The following PRKD2 variants were observed in gnomAD, a reference collection of about 807,000 sequenced individuals.
PRKD2 encodes the protein serine/threonine-protein kinase D2.
Under a neutral mutation model 86.0 loss-of-function variants are expected in PRKD2, and 22 were observed. The ratio of observed to expected loss-of-function variants is 0.26; its 90% CI spans 0.18 to 0.37. The LOEUF (loss-of-function observed/expected upper bound fraction) is 0.37. Ranked by LOEUF, PRKD2 falls within the 10% of genes least tolerant of loss-of-function variation. The pLI, the probability that PRKD2 is intolerant of heterozygous loss-of-function variation, is 1.00. For synonymous variants in PRKD2, 509 were observed against 510.9 expected (o/e 1.00, Z 0.05); for missense variants, 818 against 1,199.2 (o/e 0.68, Z 4.70).
At chr19:46,697,574 C>T (rs560097564) in intron 8 of PRKD2, among the ~76,000 whole-genome samples, 159 bp downstream of exon 8, 1 of 151,872 alleles carries the variant, frequency 6.6e-6, no homozygotes, top group South Asian at 2.1e-4. Flanking sequence ...TTACAGCCCA[C>T]ACTTCTAATT....
Position 46,679,238 on chromosome 19 carries a change from G to A in PRKD2, c.2071-575C>T, listed in dbSNP as rs141325605. ...CCAGCTACTCAGGAGGCTGAGGCAG[G>A]AGAATCGCCTGAACCTGGGAGGCAG... On this transcript the variant is annotated intron_variant, in intron 15 of 17. Coordinates refer to ENST00000291281, the MANE Select transcript of PRKD2 (RefSeq NM_016457.5). Among the ~76,000 whole-genome samples, 1,215 of 152,194 alleles carry A rather than the reference G, an allele frequency of 8.0e-3. 5 individuals are homozygous for A. The highest frequency in any genetic ancestry group is 0.013 in the Non-Finnish European group (906 of 68,006).
rs1317759157 is a variant in PRKD2 at position 46,710,896 on chromosome 19, T to G, written c.511+11A>C. Reference sequence around the variant, plus strand: ...CGCCCCAGGCCCCGCCCCCAACCCTTTAGCTCTCACCATCGCACTTGAGGC... The same window carrying G: ...CGCCCCAGGCCCCGCCCCCAACCCTGTAGCTCTCACCATCGCACTTGAGGC... On this transcript the variant is annotated intron_variant, in intron 3 of 17. Coordinates refer to ENST00000291281, the MANE Select transcript of PRKD2 (RefSeq NM_016457.5). 6.4e-7 allele frequency: 1 copy of G among 1,561,914 alleles called. No homozygotes were observed.
At chr19:46,681,583 T>TGGCCCCC in intron 15 of PRKD2, 67 bp downstream of exon 15, 1 of 671,504 alleles carries the variant, frequency 1.5e-6, no homozygotes, top group Non-Finnish European at 2.6e-6. Flanking sequence ...ATAATCCCCT[T>TGGCCCCC]CCCCACCCCC....
At chr19:46,684,349 TCTCACTCTGTTG>T (rs2053363590) in intron 14 of PRKD2, among the ~76,000 whole-genome samples, 1 of 152,026 alleles carries the variant, frequency 6.6e-6, no homozygotes, top group South Asian at 2.1e-4. Flanking sequence ...TGAGATGGAG[TCTCACTCTGTTG>T]CCCACGCTGG....
At chr19:46,705,562 G>A (rs1308474012) in intron 3 of PRKD2, among the ~76,000 whole-genome samples, 1 of 152,090 alleles carries the variant, frequency 6.6e-6, no homozygotes, top group Non-Finnish European at 1.5e-5. Flanking sequence ...CAAGGCCGGC[G>A]GATCACTTGA....
In PRKD2 at chr19:46,693,154, C is replaced by T. The variant is rs2053506350; in HGVS notation, c.1576+721G>A. On this transcript the variant is annotated intron_variant, in intron 10 of 17. Transcript: ENST00000291281. This position sits in a 1 kb window ranked among gnomAD's most constrained non-coding sequence, Gnocchi z 4.5. ...TATACCCAGATTGGGTCAGGTACCC[C>T]TCTGGGCTCCTCTAGCTCCCTAGCT... Among the ~76,000 whole-genome samples, 1 of 152,182 alleles carries T rather than the reference C, an allele frequency of 6.6e-6. No homozygotes were observed. Among genetic ancestry groups the T allele is most frequent in the Non-Finnish European group, 1.5e-5 (1 of 68,028 alleles).
chr19:46,704,473 G>T, intron 4 of PRKD2, 22 bp downstream of exon 4: 1 of 1,614,046 alleles, frequency 6.2e-7, no homozygotes, highest in Non-Finnish European at 8.5e-7. Context: ...CCACCAACCC[G>T]TCCCATCCCC....
Position 46,706,812 on chromosome 19 carries a change from G to T in PRKD2, c.512-2163C>A, listed in dbSNP as rs148372008. On this transcript the variant is annotated intron_variant, in intron 3 of 17. Coordinates refer to ENST00000291281, the MANE Select transcript of PRKD2 (RefSeq NM_016457.5). Reference sequence around the variant, plus strand: ...TAATGCACTGAATCAGTATCTGCAGGCCTAGAGTCCTTAAATAATACAAGT... The same window carrying T: ...TAATGCACTGAATCAGTATCTGCAGTCCTAGAGTCCTTAAATAATACAAGT... 1.1e-4 allele frequency among the ~76,000 whole-genome samples: 16 copies of T among 152,210 alleles called. No homozygotes were observed. The East Asian group carries it at 3.1e-3, about 29-fold the overall frequency.
chr19:46,685,815 G>A (rs2053388425), intron 14 of PRKD2: 3 of 152,388 alleles, frequency 2.0e-5, no homozygotes. Context: ...CAGGCATGGT[G>A]GCACACACCT....
intron 7 of PRKD2, among the ~76,000 whole-genome samples, chr19:46,699,027 G>A (rs950262470): frequency 6.6e-6 from 1 of 152,078 alleles, no homozygotes; most frequent in African/African-American, 2.4e-5. Flanking sequence ...GGGAGGCACC[G>A]CAGGAAACAC....
intron 2 of PRKD2, among the ~76,000 whole-genome samples, chr19:46,712,882 C>T (rs2053828395): frequency 6.6e-6 from 1 of 152,220 alleles, no homozygotes; most frequent in South Asian, 2.1e-4. Context: ...TGGCTTCTGG[C>T]TGTGTCTTAG....
At position 46,716,387 on chromosome 19, in the gene PRKD2, C is replaced by T. The variant is rs1017154663; in HGVS notation, c.-17G>A. 8.7e-6 allele frequency: 12 copies of T among 1,383,436 alleles called. No individual in the cohort carries two copies. In the South Asian group the frequency reaches 1.8e-4, roughly 21 times the overall value. The allele number at this position is 1,383,436 out of a possible 1,614,324, so 85.7% of individuals were successfully genotyped here. The stretch of plus-strand genomic sequence containing the variant: ...GGTGGCCATGGGGGGAGGCCGGGGA[C>T]CGGCCGCCTGGAGCCCACCCGGGAC... On this transcript the variant is annotated 5_prime_UTR_variant, in exon 1 of 18. Coordinates refer to ENST00000291281, the MANE Select transcript of PRKD2 (RefSeq NM_016457.5). This position sits in a 1 kb window ranked among gnomAD's most constrained non-coding sequence, Gnocchi z 7.9.
chr19:46,686,521 C>T (rs2053400208), intron 14 of PRKD2, among the ~76,000 whole-genome samples: 1 of 150,172 alleles, frequency 6.7e-6, no homozygotes, highest in Admixed American at 6.7e-5. Flanking sequence ...CGTGGTGGCT[C>T]ATGCCTGTGG....
intron 10 of PRKD2, among the ~76,000 whole-genome samples, 189 bp from the exon 11 acceptor site, chr19:46,692,174 T>C (rs2053493141): frequency 6.6e-6 from 1 of 151,972 alleles, no homozygotes; most frequent in African/African-American, 2.4e-5. Context: ...ATGGGAATAA[T>C]AAAAGGACCT....
At chr19:46,695,080 G>A (rs901157929) in intron 9 of PRKD2, among the ~76,000 whole-genome samples, 2 of 151,980 alleles carry the variant, frequency 1.3e-5, no homozygotes, top group Admixed American at 6.6e-5. Flanking sequence ...GTGCGCACCT[G>A]TAATCCCAGC....
chr19:46,692,800 A>G (rs1176777154), intron 10 of PRKD2, among the ~76,000 whole-genome samples: 1 of 152,126 alleles, frequency 6.6e-6, no homozygotes, highest in Non-Finnish European at 1.5e-5. Context: ...GTCTCTGCAT[A>G]TGCTGTTTCC....
intron 8 of PRKD2, 105 bp from the exon 9 acceptor site, chr19:46,697,339 G>A (rs1035272622): frequency 2.4e-6 from 2 of 823,934 alleles, no homozygotes; most frequent in South Asian, 1.6e-5. Context: ...CCACGTGCAC[G>A]CCGTAACTCT....
chr19:46,686,722 C>A (rs191527544), intron 14 of PRKD2, among the ~76,000 whole-genome samples: 3 of 151,314 alleles, frequency 2.0e-5, no homozygotes, highest in South Asian at 4.2e-4. Flanking sequence ...GAGGCCGAGG[C>A]GGGTGGATCA....
At chr19:46,708,529 C>A (rs2053751496) in intron 3 of PRKD2, among the ~76,000 whole-genome samples, 1 of 151,824 alleles carries the variant, frequency 6.6e-6, no homozygotes, top group African/African-American at 2.4e-5. Flanking sequence ...GTTGCCCATG[C>A]TGGTCTCGAA....
Sources: allele counts gnomAD v4.1 joint callset (sites outside exome capture counted in the v4.1 genomes callset), GRCh38; gene constraint gnomAD v4.1.1; non-coding constraint Gnocchi (gnomAD v3.1); transcripts MANE v1.5; gene names NCBI Gene and HGNC (gene_info 2026-07-23, HGNC 2026-07-21).